MCM6: variants seen among roughly 807,000 people sequenced by gnomAD.
MCM6 encodes the protein minichromosome maintenance complex component 6.
A neutral mutation model predicts 94.3 loss-of-function variants in MCM6; 46 were observed. That is an observed-to-expected ratio of 0.49 (90% confidence interval 0.39 to 0.62). The LOEUF (loss-of-function observed/expected upper bound fraction) is 0.62, where lower values mean the gene tolerates loss of function less well. MCM6 is among the 20% of genes least tolerant of loss of function. The pLI is 0.00. For missense variants in MCM6, 865 were observed against 1,017.9 expected, an observed-to-expected ratio of 0.85 and a Z score of 2.04; for synonymous variants, 335 against 351.9, an observed-to-expected ratio of 0.95 and a Z score of 0.54.
Position 135,840,859 on chromosome 2 carries a change from G to T in MCM6, c.2442C>A (p.Asn814Lys). ...CTCAATCTTCGAGCAAGTAGTTAGG[G>T]TTAACTACCAAGTAGGGATCTTCTT... ...SYEEDPYLVV[N>K]PNYLLED The change falls in exon 17 of 17, where the codon AAC becomes AAA. Residue 814 changes from asparagine to lysine, a missense_variant. Asn to Lys is a moderately conservative substitution (Grantham distance 94). This residue lies in a region of MCM6 where 308 missense variants were observed against 324.5 expected (regional missense o/e 0.95). Transcript: ENST00000264156. 1 of 1,612,480 alleles carries T rather than the reference G, an allele frequency of 6.2e-7. No homozygotes were observed. The highest frequency in any genetic ancestry group is 8.5e-7 in the Non-Finnish European group (1 of 1,178,474).
At chr2:135,849,380 CA>C (rs1011637600) in intron 13 of MCM6, among the ~76,000 whole-genome samples, 1 of 149,890 alleles carries the variant, frequency 6.7e-6, no homozygotes, top group Non-Finnish European at 1.5e-5. Flanking sequence ...GTAGCACAAG[CA>C]AAAAAAAATT....
intron 2 of MCM6, among the ~76,000 whole-genome samples, chr2:135,871,176 A>G (rs1575368682): frequency 6.6e-6 from 1 of 152,116 alleles, no homozygotes; most frequent in African/African-American, 2.4e-5. Context: ...TATGTTTCTA[A>G]TACCTACTCC....
intron 11 of MCM6, among the ~76,000 whole-genome samples, chr2:135,853,968 T>C (rs557749391): frequency 7.9e-5 from 12 of 152,362 alleles, no homozygotes; most frequent in Non-Finnish European, 1.8e-4. Context: ...GGCTCATGCC[T>C]GTAATCCTAG....
At chr2:135,843,283 T>C (rs113255405) in intron 16 of MCM6, among the ~76,000 whole-genome samples, 5 of 152,256 alleles carry the variant, frequency 3.3e-5, no homozygotes, top group African/African-American at 1.2e-4. Flanking sequence ...TGTTAAACGC[T>C]CATCAGTAGG....
intron 14 of MCM6, 56 bp downstream of exon 14, chr2:135,847,997 C>T: frequency 6.9e-7 from 1 of 1,444,590 alleles, no homozygotes. Context: ...CACATGACAT[C>T]TCAGAAAATG....
intron 7 of MCM6, among the ~76,000 whole-genome samples, chr2:135,864,303 G>A (rs1302236042): frequency 3.3e-5 from 5 of 152,068 alleles, no homozygotes; most frequent in Non-Finnish European, 7.4e-5. Flanking sequence ...GACAGAACAA[G>A]TAACCAATCA....
rs1040983038 is a variant in MCM6, at chr2:135,840,128, T to G, written c.*707A>C. On this transcript the variant is annotated 3_prime_UTR_variant, in exon 17 of 17. Transcript: ENST00000264156. ...GACCTATTTCCCCTAAAAAAGCAAT[T>G]TGAAAACAATCCTGAGAAATTACCC... 1 of 151,892 alleles carries G rather than the reference T, an allele frequency of 6.6e-6. No individual in the cohort carries two copies. The highest frequency in any genetic ancestry group is 1.5e-5 in the Non-Finnish European group (1 of 68,004). The allele number at this position is 151,892 out of a possible 1,614,324, so 9.4% of individuals were successfully genotyped here.
At chr2:135,857,855 G>T (rs1057103565) in intron 10 of MCM6, 42 bp downstream of exon 10, 2 of 1,518,656 alleles carry the variant, frequency 1.3e-6, no homozygotes, top group South Asian at 2.2e-5. Flanking sequence ...TAATCAACAA[G>T]GCTATGGACG....
chr2:135,853,127 T>C (rs1401591870), intron 11 of MCM6, among the ~76,000 whole-genome samples: 1 of 152,202 alleles, frequency 6.6e-6, no homozygotes, highest in East Asian at 1.9e-4. Flanking sequence ...TCTAAAACTA[T>C]ACCTGAAGGA....
chr2:135,844,274 T>C (rs1679631699), intron 16 of MCM6, among the ~76,000 whole-genome samples: 1 of 152,120 alleles, frequency 6.6e-6, no homozygotes, highest in South Asian at 2.1e-4. Flanking sequence ...AGGGCAAATA[T>C]GAGGATGGGA....
At chr2:135,846,480 A>C in intron 14 of MCM6, 88 bp from the exon 15 acceptor site, 3 of 1,027,866 alleles carry the variant, frequency 2.9e-6, no homozygotes, top group Non-Finnish European at 4.4e-6. Flanking sequence ...CTTACATTTA[A>C]TACTGATTTT....
intron 4 of MCM6, among the ~76,000 whole-genome samples, chr2:135,867,453 G>A (rs752956415): frequency 5.3e-5 from 8 of 151,938 alleles, no homozygotes; most frequent in Non-Finnish European, 1.2e-4. Flanking sequence ...TAAAATATGT[G>A]CATCTTATAA....
At position 135,844,559 on chromosome 2, in the gene MCM6, G is replaced by A; in HGVS notation, c.2335C>T (p.Arg779Ter). The change falls in exon 16 of 17, where the codon CGA becomes TGA. Residue 779 changes from arginine (R) to a stop codon, truncating the protein, a stop_gained. Transcript: ENST00000264156. LOFTEE classifies it high-confidence loss of function. ...KKRIIEKVIH[R>*]LTHYDHVLIE... ...TCTGCACCTACATAGTGTGTGAGTC[G>A]ATGAATAACTTTCTCTATGATTCTT... 2 of 1,570,932 alleles carry A rather than the reference G, an allele frequency of 1.3e-6. No homozygotes were observed. Among genetic ancestry groups the A allele is most frequent in the South Asian group, 1.2e-5 (1 of 81,254 alleles).
intron 2 of MCM6, among the ~76,000 whole-genome samples, chr2:135,871,561 A>T (rs1180024397): frequency 6.6e-6 from 1 of 152,210 alleles, no homozygotes; most frequent in African/African-American, 2.4e-5. Flanking sequence ...ATAGACTGTC[A>T]CATTTATTTA....
chr2:135,846,459 C>A, intron 14 of MCM6, 67 bp from the exon 15 acceptor site: 2 of 1,219,394 alleles, frequency 1.6e-6, no homozygotes, highest in Admixed American at 1.8e-5. Flanking sequence ...CAAGCATTTA[C>A]AAATACACTA....
In MCM6 at chr2:135,856,714, G is replaced by C; in HGVS notation, c.1626+14C>G. On this transcript the variant is annotated intron_variant, in intron 11 of 16. Transcript: ENST00000264156. ...ACTCCAACTGGAAATAAAAAAGGAA[G>C]CTCATGGGGTTACCTCATTACATTC... The C allele has an allele frequency of 6.2e-7, 1 of 1,611,634 alleles. No homozygotes were observed. The highest frequency in any genetic ancestry group is 8.5e-7 in the Non-Finnish European group (1 of 1,179,120).
chr2:135,866,481 A>T, intron 5 of MCM6, 82 bp downstream of exon 5: 1 of 1,480,048 alleles, frequency 6.8e-7, no homozygotes, highest in Admixed American at 2.2e-5. Context: ...GCCAAAAAGA[A>T]GACAATGAAG....
chr2:135,864,070 C>A (rs1680044454), intron 7 of MCM6, among the ~76,000 whole-genome samples: 1 of 152,036 alleles, frequency 6.6e-6, no homozygotes, highest in Admixed American at 6.5e-5. Flanking sequence ...GAGATCACGC[C>A]ACTGCACTCC....
Position 135,840,955 on chromosome 2 carries a change from T to C in MCM6, c.2350-4A>G. On this transcript the variant is annotated splice_polypyrimidine_tract_variant and splice_region_variant and intron_variant, in intron 16 of 16. Coordinates refer to ENST00000264156, the MANE Select transcript of MCM6 (RefSeq NM_005915.6). Reference sequence around the variant, plus strand: ...TGAGCTCAATTAGAACATGATCCTGTGAAACACAAATATTTGTCCTCAGGT... The same window carrying C: ...TGAGCTCAATTAGAACATGATCCTGCGAAACACAAATATTTGTCCTCAGGT... 2 of 1,603,558 alleles carry C rather than the reference T, an allele frequency of 1.2e-6. No individual in the cohort carries two copies. Among genetic ancestry groups the C allele is most frequent in the Non-Finnish European group, 8.5e-7 (1 of 1,170,448 alleles).
Sources: gnomAD v4.1 joint callset for allele counts (sites outside exome capture counted in the v4.1 genomes callset) on GRCh38, gnomAD v4.1.1 for gene constraint, gnomAD v4.1.1 regional missense constraint, MANE v1.5 for transcripts, NCBI Gene and HGNC (gene_info 2026-07-23, HGNC 2026-07-21) for gene names.